RRP7A: variants seen among roughly 807,000 people sequenced by gnomAD.
The protein encoded by RRP7A is ribosomal RNA-processing protein 7 homolog A.
In RRP7A, 27 loss-of-function variants were observed where a neutral mutation model predicts 38.4. That is an observed-to-expected ratio of 0.70 (90% CI 0.52 to 0.97). The LOEUF is 0.97. Among genes scored for constraint, RRP7A ranks in the 50% least tolerant of loss-of-function variants. RRP7A has a pLI of 0.00. For synonymous variants in RRP7A, 124 were observed against 150.3 expected (o/e 0.83, Z 1.28); for missense variants, 327 against 375.4 (o/e 0.87, Z 1.07).
chr22:42,513,062 C>T (rs1932520568), intron 6 of RRP7A, 67 bp from the exon 7 acceptor site: 4 of 1,286,714 alleles, frequency 3.1e-6, no homozygotes, highest in Middle Eastern at 2.3e-4. Flanking sequence ...CTTGCTCATG[C>T]CCCACCCCTC....
Position 42,518,066 on chromosome 22 carries a change from TTGG to T in RRP7A, c.152_154del (p.Thr51del), listed in dbSNP as rs761664946. ...AGTCCTCTTCTGAGGCCAGGTGGAC[TTGG>T]TGCCTTGTCGAACGCCGTGTGCTCT... is the stretch of plus-strand genomic sequence containing the variant. On this transcript the variant is annotated inframe_deletion, in exon 2 of 7. Transcript: ENST00000323013. 6.2e-7 allele frequency: 1 copy of T among 1,614,122 alleles called. No individual in the cohort carries two copies. Among genetic ancestry groups the T allele is most frequent in the African/African-American group, 1.3e-5 (1 of 75,050 alleles).
rs761870673 is a variant in RRP7A at position 42,512,878 on chromosome 22, C to A, written c.*32G>T. ...CCTGCCTCGCCTCCTCCTGGCCCTG[C>A]ACCTCCAGCCATTCACTGCGGCTCT... On this transcript the variant is annotated 3_prime_UTR_variant, in exon 7 of 7. Coordinates refer to ENST00000323013, the MANE Select transcript of RRP7A (RefSeq NM_015703.5). 11 of 1,604,924 alleles carry A rather than the reference C, an allele frequency of 6.9e-6. No individual in the cohort carries two copies. Among genetic ancestry groups the A allele is most frequent in the Non-Finnish European group, 7.7e-6 (9 of 1,173,240 alleles).
chr22:42,517,904 TC>T, intron 2 of RRP7A, 100 bp downstream of exon 2: 1 of 1,353,940 alleles, frequency 7.4e-7, no homozygotes, highest in South Asian at 1.3e-5. Context: ...CCTCTGGGGC[TC>T]CCATTAGCTG....
At position 42,509,573 on chromosome 22, in the gene RRP7A, C is replaced by T. The variant is rs1225542766; in HGVS notation, c.*3337G>A. Among the ~76,000 whole-genome samples the T allele has an allele frequency of 1.3e-5, 2 of 150,208 alleles. No homozygotes were observed. The highest frequency in any genetic ancestry group is 2.4e-5 in the African/African-American group (1 of 41,092). The stretch of plus-strand genomic sequence containing the variant: ...CTCTCCATCTCCTGACCTCATGATC[C>T]GCCTGCCTCGGCCTCCCAGTGTTGG... On this transcript the variant is annotated 3_prime_UTR_variant, in exon 7 of 7. Coordinates refer to ENST00000323013, the MANE Select transcript of RRP7A (RefSeq NM_015703.5).
intron 3 of RRP7A, among the ~76,000 whole-genome samples, chr22:42,515,514 G>C (rs2146621848): frequency 6.6e-6 from 1 of 152,372 alleles, no homozygotes; most frequent in Non-Finnish European, 1.5e-5. Context: ...GGATACAGAG[G>C]CTTCTTTTCT....
chr22:42,516,045 G>C lies in RRP7A; in HGVS notation c.308C>G (p.Ser103Ter), dbSNP rs778194504. 1.2e-6 allele frequency: 2 copies of C among 1,608,380 alleles called. No individual in the cohort carries two copies. The highest frequency in any genetic ancestry group is 1.1e-5 in the South Asian group (1 of 90,614). The change falls in exon 3 of 7, where the codon TCA becomes TGA. Residue 103 changes from serine (S) to a stop codon, truncating the protein, a stop_gained. Coordinates refer to ENST00000323013, the MANE Select transcript of RRP7A (RefSeq NM_015703.5). LOFTEE classifies it high-confidence loss of function. Reference protein sequence around the residue: ...KPDLAESPKESRSKFFHPKPV... With the variant: ...KPDLAESPKE ...CTTGGGATGAAAAAACTTCGACCTT[G>C]ACTCCTTTGGGCTCTCAGCCAGGTC...
rs1555985853 is a variant in RRP7A, at chr22:42,509,850, G to GGGGT, written c.*3059_*3060insACCC. 5 of 56,852 alleles carry GGGGT rather than the reference G, an allele frequency of 8.8e-5. No individual in the cohort carries two copies. Among genetic ancestry groups the GGGGT allele is most frequent in the African/African-American group, 1.4e-4 (2 of 14,558 alleles). The allele number at this position is 56,852 out of a possible 1,614,324, so 3.5% of individuals were successfully genotyped here. A position where few individuals can be genotyped will look rare whatever the true frequency, so the allele number is the denominator to read the frequency against. On this transcript the variant is annotated 3_prime_UTR_variant, in exon 7 of 7. Transcript: ENST00000323013. Reference sequence around the variant, plus strand: ...AAGCCTGTTGGGGGTGGGGGGGTGGGGTGTGTGTGTGTGTGTGTAAGCTCA... The same window carrying GGGGT: ...AAGCCTGTTGGGGGTGGGGGGGTGGGGGGTGTGTGTGTGTGTGTGTGTAAGCTCA...
Position 42,512,709 on chromosome 22 carries a change from C to T in RRP7A, c.*201G>A. On this transcript the variant is annotated 3_prime_UTR_variant, in exon 7 of 7. Transcript: ENST00000323013. The stretch of plus-strand genomic sequence containing the variant: ...CCTCCTCTCGGCACGCCTGGGTCCC[C>T]AGGACTGCTGAAGCACAAGACCCGA... 4.7e-6 allele frequency: 3 copies of T among 634,070 alleles called. No homozygotes were observed. Among genetic ancestry groups the T allele is most frequent in the South Asian group, 1.8e-5 (1 of 54,182 alleles). The allele number at this position is 634,070 out of a possible 1,614,324, so 39.3% of individuals were successfully genotyped here.
Position 42,514,447 on chromosome 22 carries a change from G to T in RRP7A, c.559-143C>A. On this transcript the variant is annotated intron_variant, in intron 5 of 6. Transcript: ENST00000323013. The stretch of plus-strand genomic sequence containing the variant: ...CCCCTCCTCCCAGCACAGTGTTGGG[G>T]CTAAGGATGGCGGGGAGGGCACGGA... 4 of 792,180 alleles carry T rather than the reference G, an allele frequency of 5.0e-6. No individual in the cohort carries two copies. The South Asian group carries it at 7.0e-5, about 14-fold the overall frequency. 49.1% of individuals were successfully genotyped at this position (792,180 alleles called of 1,614,324 possible).
chr22:42,519,595 C>A (rs1183042120), intron 1 of RRP7A, 119 bp downstream of exon 1: 5 of 868,138 alleles, frequency 5.8e-6, no homozygotes, highest in Admixed American at 8.6e-5. Context: ...GGGCCACGGG[C>A]CACCGGGGCT....
chr22:42,510,916 T>G lies in RRP7A; in HGVS notation c.*1994A>C. On this transcript the variant is annotated 3_prime_UTR_variant, in exon 7 of 7. Transcript: ENST00000323013. ...GCCTGGGGACACATGTAATCAGAATTTAAGAAACAGAGACCTTTGGTGGGG... is the reference window on the plus strand; with the variant it reads ...GCCTGGGGACACATGTAATCAGAATGTAAGAAACAGAGACCTTTGGTGGGG... The G allele has an allele frequency of 1.9e-6, 1 of 533,006 alleles. No individual in the cohort carries two copies. The highest frequency in any genetic ancestry group is 2.5e-6 in the Non-Finnish European group (1 of 393,956). The allele number at this position is 533,006 out of a possible 1,614,324, so 33.0% of individuals were successfully genotyped here.
Position 42,509,215 on chromosome 22 carries a change from A to T in RRP7A, c.*3695T>A. On this transcript the variant is annotated 3_prime_UTR_variant, in exon 7 of 7. Transcript: ENST00000323013. ...GAGGCTCCAAGTTCTCTGCGTGTCG[A>T]CCACATCGCTAAGACTCAAGATCTT... 6.4e-7 allele frequency: 1 copy of T among 1,559,514 alleles called. No individual in the cohort carries two copies. The highest frequency in any genetic ancestry group is 1.4e-5 in the African/African-American group (1 of 73,076).
chr22:42,510,458 T>C lies in RRP7A; in HGVS notation c.*2452A>G, dbSNP rs553237955. On this transcript the variant is annotated 3_prime_UTR_variant, in exon 7 of 7. Transcript: ENST00000323013. Reference sequence around the variant, plus strand: ...TGGCTTGTGCCAGCTGAGCGTGAGCTGAGATTAACTGAGCCTCAAATCCAA... The same window carrying C: ...TGGCTTGTGCCAGCTGAGCGTGAGCCGAGATTAACTGAGCCTCAAATCCAA... 466 of 313,598 alleles carry C rather than the reference T, an allele frequency of 1.5e-3. No individual in the cohort carries two copies. Among genetic ancestry groups the C allele is most frequent in the Non-Finnish European group, 2.2e-3 (358 of 162,248 alleles). 19.4% of individuals were successfully genotyped at this position (313,598 alleles called of 1,614,324 possible).
At position 42,512,075 on chromosome 22, in the gene RRP7A, C is replaced by T. The variant is rs1299670539; in HGVS notation, c.*835G>A. 14 of 1,486,682 alleles carry T rather than the reference C, an allele frequency of 9.4e-6. No homozygotes were observed. Among genetic ancestry groups the T allele is most frequent in the Non-Finnish European group, 1.3e-5 (14 of 1,064,044 alleles). The allele number at this position is 1,486,682 out of a possible 1,614,324, so 92.1% of individuals were successfully genotyped here. ...CCCGGGGCCCATGGAGCTCCCTAGG[C>T]TCCTCTGGCCACATCTCACTACCCA... On this transcript the variant is annotated 3_prime_UTR_variant, in exon 7 of 7. Coordinates refer to ENST00000323013, the MANE Select transcript of RRP7A (RefSeq NM_015703.5).
chr22:42,510,817 T>C lies in RRP7A; in HGVS notation c.*2093A>G. 1 of 1,280,264 alleles carries C rather than the reference T, an allele frequency of 7.8e-7. No homozygotes were observed. The allele number at this position is 1,280,264 out of a possible 1,614,324, so 79.3% of individuals were successfully genotyped here. On this transcript the variant is annotated 3_prime_UTR_variant, in exon 7 of 7. Transcript: ENST00000323013. ...CTTCTCATGCACTGGGAAAGACCCC[T>C]GGTCTGCCCCCAGGCCCAACAAGTG...
Position 42,519,761 on chromosome 22 carries a change from G to A in RRP7A, c.26C>T (p.Ala9Val), listed in dbSNP as rs574419077. Reference protein sequence around the residue: MVARRRKCAARDPEDRIPS... With the variant: MVARRRKCVARDPEDRIPS... ...GATACGGTCCTCCGGGTCCCGCGCG[G>A]CGCACTTCCTCCTGCGCGCCACCAT... Residue 9 changes from alanine (A) to valine (V), a missense_variant, in exon 1 of 7, where the codon GCC becomes GTC. By Grantham distance (64) the Ala-to-Val change is moderately conservative. This residue lies in a region of RRP7A where 183 missense variants were observed against 141.8 expected (regional missense o/e 1.29). Transcript: ENST00000323013. 22 of 1,451,742 alleles carry A rather than the reference G, an allele frequency of 1.5e-5. No homozygotes were observed. The highest frequency in any genetic ancestry group is 1.9e-5 in the Non-Finnish European group (21 of 1,103,816). 89.9% of individuals were successfully genotyped at this position (1,451,742 alleles called of 1,614,324 possible). A position where few individuals can be genotyped will look rare whatever the true frequency, so the allele number is the denominator to read the frequency against.
rs1046969890 is a variant in RRP7A at position 42,512,140 on chromosome 22, C to T, written c.*770G>A. 17 of 1,547,012 alleles carry T rather than the reference C, an allele frequency of 1.1e-5. No homozygotes were observed. The African/African-American group carries it at 2.2e-4, about 20-fold the overall frequency. On this transcript the variant is annotated 3_prime_UTR_variant, in exon 7 of 7. Coordinates refer to ENST00000323013, the MANE Select transcript of RRP7A (RefSeq NM_015703.5). ...CAGCGGTTCCAGTTTGTGGAAGTCCCAGGCAATCACTGTGTCCACATGAGC... is the reference window on the plus strand; with the variant it reads ...CAGCGGTTCCAGTTTGTGGAAGTCCTAGGCAATCACTGTGTCCACATGAGC...
At position 42,512,885 on chromosome 22, in the gene RRP7A, A is replaced by C. The variant is rs1434954828; in HGVS notation, c.*25T>G. ...CGCCTCCTCCTGGCCCTGCACCTCC[A>C]GCCATTCACTGCGGCTCTCACAGCT... is the stretch of plus-strand genomic sequence containing the variant. On this transcript the variant is annotated 3_prime_UTR_variant, in exon 7 of 7. Transcript: ENST00000323013. 6.2e-7 allele frequency: 1 copy of C among 1,608,638 alleles called. No homozygotes were observed. Among genetic ancestry groups the C allele is most frequent in the African/African-American group, 1.3e-5 (1 of 74,844 alleles).
intron 1 of RRP7A, among the ~76,000 whole-genome samples, chr22:42,518,994 C>T (rs1158403673): frequency 6.8e-6 from 1 of 146,612 alleles, no homozygotes; most frequent in African/African-American, 2.6e-5. Flanking sequence ...CGGATGGCCT[C>T]TTTGAGGAAG....
Sources: allele counts gnomAD v4.1 joint callset (sites outside exome capture counted in the v4.1 genomes callset), GRCh38; gene constraint gnomAD v4.1.1; regional missense constraint gnomAD v4.1.1; transcripts MANE v1.5; gene names NCBI Gene and HGNC (gene_info 2026-07-23, HGNC 2026-07-21).